The following PTPRD variants were observed in gnomAD, a reference collection of about 807,000 sequenced individuals.
The protein encoded by PTPRD is protein tyrosine phosphatase receptor type D, also known as receptor-type tyrosine-protein phosphatase delta.
PTPRD carries 34 observed loss-of-function variants against 214.5 expected under a neutral mutation model. The observed-to-expected ratio is 0.16, with a 90% CI of 0.12 to 0.21. The LOEUF (loss-of-function observed/expected upper bound fraction) is 0.21, where lower values mean the gene tolerates loss of function less well. Ranked by LOEUF, PTPRD falls within the 10% of genes least tolerant of loss-of-function variation. The pLI is 1.00. For missense variants in PTPRD, 2,545 were observed against 2,398.7 expected (o/e 1.06, Z -1.27); for synonymous variants, 1,128 against 845.7 (o/e 1.33, Z -5.79).
chr9:9,993,230 A>C (rs1048169123), intron 4 of PTPRD, among the ~76,000 whole-genome samples: 1 of 152,186 alleles, frequency 6.6e-6, no homozygotes, highest in African/African-American at 2.4e-5. Context: ...TCATTTGGCT[A>C]TATCTACTAA....
At chr9:10,101,992 G>T (rs757089028) in intron 3 of PTPRD, among the ~76,000 whole-genome samples, 2 of 151,546 alleles carry the variant, frequency 1.3e-5, no homozygotes, top group Non-Finnish European at 3.0e-5. Context: ...CACATCCCAC[G>T]TTTTATAGAA....
chr9:8,592,052 G>A (rs960918023), intron 14 of PTPRD, among the ~76,000 whole-genome samples: 28 of 151,930 alleles, frequency 1.8e-4, no homozygotes, highest in African/African-American at 6.0e-4. Context: ...TAAAATGTAC[G>A]GGGTCAAAAA....
At position 10,148,373 on chromosome 9, in the gene PTPRD, T is replaced by C. The variant is rs117731470; in HGVS notation, c.-544-114583A>G. ...GTGTATCTGGCATGATGCTAAGTGT[T>C]GGAACAAAGACACAGTTCCTTTCTT... On this transcript the variant is annotated intron_variant, in intron 3 of 45. Coordinates refer to ENST00000381196, the MANE Select transcript of PTPRD (RefSeq NM_002839.4). Among the ~76,000 whole-genome samples, 587 of 152,332 alleles carry C rather than the reference T, an allele frequency of 3.9e-3. 7 individuals are homozygous for C. Among genetic ancestry groups the C allele is most frequent in the Non-Finnish European group, 6.5e-3 (440 of 68,028 alleles).
intron 32 of PTPRD, among the ~76,000 whole-genome samples, chr9:8,463,581 T>A (rs1345471399): frequency 6.6e-6 from 1 of 151,800 alleles, no homozygotes; most frequent in Non-Finnish European, 1.5e-5. Flanking sequence ...CCAAAGAACA[T>A]AGATTTCCAA....
intron 2 of PTPRD, among the ~76,000 whole-genome samples, chr9:10,577,728 C>T (rs1416391629): frequency 1.3e-5 from 2 of 152,092 alleles, no homozygotes; most frequent in Non-Finnish European, 2.9e-5. Flanking sequence ...TAAAAATCAA[C>T]ATAGAACTTA....
chr9:8,466,661 G>T (rs1012835475), intron 31 of PTPRD, among the ~76,000 whole-genome samples: 1 of 151,714 alleles, frequency 6.6e-6, no homozygotes, highest in African/African-American at 2.4e-5. Context: ...CAGTCTTTTC[G>T]CCATTTTCTT....
At chr9:9,888,844 A>G (rs28663646) in intron 5 of PTPRD, among the ~76,000 whole-genome samples, 5,474 of 152,150 alleles carry the variant, frequency 0.036, 304 homozygotes, top group African/African-American at 0.12. Context: ...AACTGACCCA[A>G]CACCCTGATT....
At chr9:10,569,445 G>C (rs1165925259) in intron 2 of PTPRD, among the ~76,000 whole-genome samples, 1 of 151,068 alleles carries the variant, frequency 6.6e-6, no homozygotes, top group East Asian at 1.9e-4. Flanking sequence ...TAACTTATTG[G>C]AATACATTCT....
chr9:9,572,499 G>A (rs974148482), intron 8 of PTPRD, among the ~76,000 whole-genome samples: 4 of 149,570 alleles, frequency 2.7e-5, no homozygotes, highest in African/African-American at 9.8e-5. Context: ...AAGAAATAAT[G>A]CTGATTTATT....
chr9:8,964,240 A>T (rs1372968836), intron 11 of PTPRD, among the ~76,000 whole-genome samples: 7 of 94,356 alleles, frequency 7.4e-5, no homozygotes, highest in Non-Finnish European at 1.2e-4. Context: ...TTGGAACTTG[A>T]TGTTGGTCTG....
intron 3 of PTPRD, among the ~76,000 whole-genome samples, chr9:10,182,988 G>A (rs577867313): frequency 6.6e-6 from 1 of 151,972 alleles, no homozygotes; most frequent in Admixed American, 6.6e-5. Context: ...TTCTAATCTT[G>A]GCTAAGTTAT....
chr9:10,132,929 G>A (rs890469056), intron 3 of PTPRD, among the ~76,000 whole-genome samples: 1 of 145,724 alleles, frequency 6.9e-6, no homozygotes, highest in Non-Finnish European at 1.5e-5. Flanking sequence ...GGATACAACA[G>A]AAGTGATGAT....
rs563073739 is a variant in PTPRD at position 8,976,673 on chromosome 9, T to C, written c.-104+42024A>G. ...TTTTCTGTACTGGGAAATCTAACCA[T>C]TGATAACATTTGATTCATATTTTCC... On this transcript the variant is annotated intron_variant, in intron 11 of 45. Transcript: ENST00000381196. Among the ~76,000 whole-genome samples the C allele has an allele frequency of 3.3e-5, 5 of 152,236 alleles. No individual in the cohort carries two copies. The South Asian group carries it at 8.3e-4, about 25-fold the overall frequency.
At chr9:9,237,567 C>G (rs566355307) in intron 9 of PTPRD, among the ~76,000 whole-genome samples, 5 of 152,232 alleles carry the variant, frequency 3.3e-5, no homozygotes, top group African/African-American at 1.2e-4. Context: ...ATGCAAATAT[C>G]TTCCCTTCCC....
chr9:8,352,917 C>T (rs1235653557), intron 39 of PTPRD, among the ~76,000 whole-genome samples: 1 of 152,042 alleles, frequency 6.6e-6, no homozygotes, highest in African/African-American at 2.4e-5. Flanking sequence ...TTGAGACCAT[C>T]CTGGCCAACA....
rs1555437225 is a variant in PTPRD at position 10,503,202 on chromosome 9, A to AAAAAAAC, written c.-600+109195_-600+109196insGTTTTTT. On this transcript the variant is annotated intron_variant, in intron 2 of 45. Coordinates refer to ENST00000381196, the MANE Select transcript of PTPRD (RefSeq NM_002839.4). ...AGACACAGCTGCAATACAAAAAAAA[A>AAAAAAAC]AAAAACAAAAAAAAACACCATTTTT... Among the ~76,000 whole-genome samples, 404 of 133,086 alleles carry AAAAAAAC rather than the reference A, an allele frequency of 3.0e-3. 6 individuals carry two copies. Among genetic ancestry groups the AAAAAAAC allele is most frequent in the African/African-American group, 4.6e-3 (135 of 29,650 alleles). The allele number at this position is 133,086 out of a possible 152,430, so 87.3% of individuals were successfully genotyped here. A position where few individuals can be genotyped will look rare whatever the true frequency, so the allele number is the denominator to read the frequency against.
chr9:8,732,031 G>A (rs1424000359), intron 12 of PTPRD, among the ~76,000 whole-genome samples: 1 of 152,154 alleles, frequency 6.6e-6, no homozygotes, highest in African/African-American at 2.4e-5. Flanking sequence ...TTGCTAACAA[G>A]GGCCTTTGTG....
chr9:9,235,195 T>G (rs2099965780), intron 9 of PTPRD, among the ~76,000 whole-genome samples: 1 of 152,016 alleles, frequency 6.6e-6, no homozygotes. Context: ...AACCATCATA[T>G]CTTATGCAAA....
At chr9:9,297,945 A>T (rs367610846) in intron 9 of PTPRD, among the ~76,000 whole-genome samples, 63 of 151,742 alleles carry the variant, frequency 4.2e-4, no homozygotes, top group African/African-American at 1.5e-3. Context: ...CGTTTTATAG[A>T]ATTTAAGAGC....
Sources: allele counts gnomAD v4.1 joint callset (sites outside exome capture counted in the v4.1 genomes callset), GRCh38; gene constraint gnomAD v4.1.1; transcripts MANE v1.5; gene names NCBI Gene and HGNC (gene_info 2026-07-23, HGNC 2026-07-21).